Variants in LINGO2 observed in about 807,000 individuals in gnomAD.
LINGO2 encodes the protein leucine-rich repeat and immunoglobulin-like domain-containing nogo receptor-interacting protein 2.
A neutral mutation model predicts 30.6 loss-of-function variants in LINGO2; 14 were observed. The ratio of observed to expected loss-of-function variants is 0.46; its 90% CI spans 0.30 to 0.72. The LOEUF (loss-of-function observed/expected upper bound fraction) is 0.72, where lower values mean the gene tolerates loss of function less well. Among genes scored for constraint, LINGO2 ranks in the 30% least tolerant of loss-of-function variants. The probability of loss-of-function intolerance (pLI) is 0.07; values close to 1 mark genes in which losing one functional copy is unlikely to be tolerated. For missense variants in LINGO2, 729 were observed against 751.7 expected (o/e 0.97, Z 0.35); for synonymous variants, 317 against 288.5 (o/e 1.10, Z -1.00).
At chr9:28,493,771 A>G (rs1305199213) in intron 1 of LINGO2, among the ~76,000 whole-genome samples, 1 of 152,160 alleles carries the variant, frequency 6.6e-6, no homozygotes, top group East Asian at 1.9e-4. Flanking sequence ...CTGAGTGGGT[A>G]CAGATCTAAT....
In LINGO2 at chr9:28,562,190, T is replaced by C. The variant is rs184723953; in HGVS notation, c.-364-86165A>G. On this transcript the variant is annotated intron_variant, in intron 1 of 5. Transcript: ENST00000379992. ...CTAAGATGATTGGTCTCCTCGTTCA[T>C]AGAACTTTTCAGTTTTTCAGGAAAT... Among the ~76,000 whole-genome samples the C allele has an allele frequency of 3.6e-3, 554 of 152,098 alleles. 1 individual carries two copies. Among genetic ancestry groups the C allele is most frequent in the African/African-American group, 0.013 (523 of 41,542 alleles).
chr9:28,836,725 A>G, the LINGO2 span, among the ~76,000 whole-genome samples: 1 of 142,902 alleles, frequency 7.0e-6, no homozygotes, highest in Non-Finnish European at 1.5e-5. Flanking sequence ...GAACTCTCAA[A>G]CAATCTTAAA....
At chr9:28,676,250 A>G in the LINGO2 span, among the ~76,000 whole-genome samples, 1 of 152,018 alleles carries the variant, frequency 6.6e-6, no homozygotes, top group Admixed American at 6.6e-5. Flanking sequence ...AAATTTTAAG[A>G]CAGCAAATTA....
intron 4 of LINGO2, among the ~76,000 whole-genome samples, chr9:28,178,406 A>G (rs1828807435): frequency 6.6e-6 from 1 of 152,154 alleles, no homozygotes; most frequent in Non-Finnish European, 1.5e-5. Flanking sequence ...ATACATCAAC[A>G]TGGCAATAGA....
intron 1 of LINGO2, among the ~76,000 whole-genome samples, chr9:28,512,156 G>A (rs1820413618): frequency 6.6e-6 from 1 of 152,076 alleles, no homozygotes; most frequent in Non-Finnish European, 1.5e-5. Context: ...ACGCAATGCT[G>A]CTGTGCATGA....
chr9:29,172,238 T>C, the LINGO2 span, among the ~76,000 whole-genome samples: 1 of 151,906 alleles, frequency 6.6e-6, no homozygotes, highest in Non-Finnish European at 1.5e-5. Context: ...TAAAGGATGA[T>C]AGCCAGTTTT....
chr9:28,532,213 C>T lies in LINGO2; in HGVS notation c.-364-56188G>A, dbSNP rs558979416. On this transcript the variant is annotated intron_variant, in intron 1 of 5. Coordinates refer to ENST00000379992, the Ensembl canonical transcript of LINGO2. ...AGTGGGGATAATATCTTTCAGACAG[C>T]TTGGGGGCTGAGAAAAAGCAAGTTG... 1.4e-4 allele frequency among the ~76,000 whole-genome samples: 22 copies of T among 152,172 alleles called. No homozygotes were observed. In the East Asian group the frequency reaches 2.3e-3, roughly 16 times the overall value.
the LINGO2 span, among the ~76,000 whole-genome samples, chr9:28,712,753 C>T: frequency 3.3e-5 from 5 of 151,674 alleles, no homozygotes; most frequent in African/African-American, 4.8e-5. Flanking sequence ...CTAACTATTT[C>T]AAATATGTAG....
At chr9:28,175,112 T>C (rs1440470593) in intron 4 of LINGO2, among the ~76,000 whole-genome samples, 5 of 152,096 alleles carry the variant, frequency 3.3e-5, no homozygotes, top group African/African-American at 1.2e-4. Flanking sequence ...GTTGTTATCA[T>C]AGGAACTGGA....
chr9:29,021,918 G>C, the LINGO2 span, among the ~76,000 whole-genome samples: 2 of 151,904 alleles, frequency 1.3e-5, no homozygotes, highest in African/African-American at 4.8e-5. Context: ...ACATAACTTG[G>C]TCAGAATAAA....
intron 4 of LINGO2, among the ~76,000 whole-genome samples, chr9:28,042,914 A>G (rs1451670841): frequency 6.6e-6 from 1 of 152,222 alleles, no homozygotes; most frequent in Admixed American, 6.5e-5. Context: ...TGAATTTGCC[A>G]GATACCTAGT....
chr9:28,199,506 T>C (rs1820149692), intron 4 of LINGO2, among the ~76,000 whole-genome samples: 1 of 151,964 alleles, frequency 6.6e-6, no homozygotes, highest in Non-Finnish European at 1.5e-5. Context: ...GCTCGGCTAA[T>C]TTTTTGTATT....
intron 1 of LINGO2, among the ~76,000 whole-genome samples, chr9:28,499,106 C>T (rs1365842552): frequency 1.3e-5 from 2 of 152,132 alleles, no homozygotes; most frequent in African/African-American, 2.4e-5. Flanking sequence ...GCTTACTTAA[C>T]TCTAACATGT....
chr9:28,931,037 G>GA, the LINGO2 span, among the ~76,000 whole-genome samples: 3 of 152,230 alleles, frequency 2.0e-5, no homozygotes, highest in African/African-American at 4.8e-5. Context: ...CACTGTGGAG[G>GA]AAAAAACCTC....
the LINGO2 span, among the ~76,000 whole-genome samples, chr9:28,739,575 C>A: frequency 0.22 from 33,284 of 151,600 alleles, 3,912 homozygotes; most frequent in Admixed American, 0.34. Context: ...CCAAAGAATT[C>A]TTTGTCAGTT....
intron 4 of LINGO2, among the ~76,000 whole-genome samples, chr9:28,188,361 C>A (rs760184651): frequency 6.6e-6 from 1 of 152,106 alleles, no homozygotes; most frequent in Non-Finnish European, 1.5e-5. Flanking sequence ...TCAGATGCAG[C>A]AGCTCCTGAC....
intron 2 of LINGO2, among the ~76,000 whole-genome samples, chr9:28,433,600 G>C (rs2134964991): frequency 6.6e-6 from 1 of 152,104 alleles, no homozygotes; most frequent in Non-Finnish European, 1.5e-5. Context: ...ACTCCAGCGA[G>C]AATGGTCAAA....
chr9:28,482,465 G>A (rs1826010394), intron 1 of LINGO2, among the ~76,000 whole-genome samples: 1 of 152,020 alleles, frequency 6.6e-6, no homozygotes, highest in Non-Finnish European at 1.5e-5. Flanking sequence ...ACTTTTTGAT[G>A]GGGTTGTTTG....
At chr9:27,993,929 A>G (rs1171263688) in intron 5 of LINGO2, among the ~76,000 whole-genome samples, 3 of 152,106 alleles carry the variant, frequency 2.0e-5, no homozygotes, top group African/African-American at 7.2e-5. Flanking sequence ...AACAAATTAA[A>G]AAAAAAAATC....
Sources: allele counts gnomAD v4.1 joint callset (sites outside exome capture counted in the v4.1 genomes callset), GRCh38; gene constraint gnomAD v4.1.1; transcripts MANE v1.5; gene names NCBI Gene and HGNC (gene_info 2026-07-23, HGNC 2026-07-21).